Variants in MTCL1 observed in about 807,000 individuals in gnomAD.
The protein encoded by MTCL1 is microtubule crosslinking factor 1, also known as microtubule cross-linking factor 1.
MTCL1 carries 79 observed loss-of-function variants against 141.4 expected under a neutral mutation model. That is an observed-to-expected ratio of 0.56 (90% CI 0.47 to 0.67). The LOEUF (loss-of-function observed/expected upper bound fraction) is 0.67. MTCL1 is among the 30% of genes least tolerant of loss of function. The pLI, the probability that MTCL1 is intolerant of heterozygous loss-of-function variation, is 0.00. For missense variants in MTCL1, 2,177 were observed against 2,113.9 expected (o/e 1.03, Z -0.59); for synonymous variants, 914 against 875.8 (o/e 1.04, Z -0.77).
At chr18:8,799,459 CT>C (rs1450860161) in intron 10 of MTCL1, among the ~76,000 whole-genome samples, 2 of 152,198 alleles carry the variant, frequency 1.3e-5, no homozygotes, top group African/African-American at 2.4e-5. Flanking sequence ...TGCAAAGGAA[CT>C]TTTATTCACA....
At chr18:8,784,864 G>T (rs774577023) in intron 6 of MTCL1, 21 bp downstream of exon 5, 1 of 1,551,292 alleles carries the variant, frequency 6.4e-7, no homozygotes. Flanking sequence ...TCGTGGCTTC[G>T]CCTCCCTGCT....
intron 7 of MTCL1, chr18:8,786,397 C>T (rs766247821): frequency 9.3e-5 from 56 of 602,128 alleles, no homozygotes; most frequent in Non-Finnish European, 1.4e-4. Flanking sequence ...TGCGCAGTGG[C>T]TTCTTGTCCA....
At chr18:8,789,501 T>C in intron 7 of MTCL1, 1 of 985,412 alleles carries the variant, frequency 1.0e-6, no homozygotes, top group Non-Finnish European at 1.2e-6. Flanking sequence ...TAAGCCACTT[T>C]CTCTGGAGGT....
intron 3 of MTCL1, chr18:8,720,124 AGAC>A: frequency 1.9e-6 from 1 of 522,552 alleles, no homozygotes; most frequent in Non-Finnish European, 3.4e-6. Context: ...CACCACCATC[AGAC>A]CAGCCAGAGT....
At chr18:8,767,605 T>C (rs1372938830) in intron 4 of MTCL1, among the ~76,000 whole-genome samples, 1 of 152,214 alleles carries the variant, frequency 6.6e-6, no homozygotes, top group Non-Finnish European at 1.5e-5. Context: ...TAATCTCCTG[T>C]TCATTTCTGT....
chr18:8,723,567 C>G (rs2096187624), intron 4 of MTCL1, among the ~76,000 whole-genome samples: 1 of 152,222 alleles, frequency 6.6e-6, no homozygotes, highest in Non-Finnish European at 1.5e-5. Context: ...GGAGCCACCA[C>G]TCCCTTCTCT....
chr18:8,804,208 G>A (rs1210199482), intron 10 of MTCL1, among the ~76,000 whole-genome samples: 1 of 150,696 alleles, frequency 6.6e-6, no homozygotes, highest in Non-Finnish European at 1.5e-5. Context: ...TGAAAAGATT[G>A]TTGTGACACC....
chr18:8,805,393 A>T (rs552013275), intron 10 of MTCL1, among the ~76,000 whole-genome samples: 38 of 152,358 alleles, frequency 2.5e-4, no homozygotes, highest in African/African-American at 8.4e-4. Flanking sequence ...CTTGCTTAGG[A>T]TAATGGCCTC....
At chr18:8,746,415 G>A (rs975049047) in intron 4 of MTCL1, among the ~76,000 whole-genome samples, 1 of 152,176 alleles carries the variant, frequency 6.6e-6, no homozygotes, top group African/African-American at 2.4e-5. Flanking sequence ...TTGTTCGGTT[G>A]TGAGGACTTG....
chr18:8,824,482 C>G (rs1341933433), intron 14 of MTCL1, among the ~76,000 whole-genome samples: 1 of 152,208 alleles, frequency 6.6e-6, no homozygotes, highest in African/African-American at 2.4e-5. Context: ...CTGACCAATG[C>G]AAGGCTTCAG....
At position 8,726,501 on chromosome 18, in the gene MTCL1, GCGCGCGCA is replaced by G. The variant is rs1287483049; in HGVS notation, c.357+6006_357+6013del. Among the ~76,000 whole-genome samples the G allele has an allele frequency of 3.0e-3, 272 of 89,258 alleles. 1 individual carries two copies. Among genetic ancestry groups the G allele is most frequent in the Non-Finnish European group, 4.5e-3 (177 of 39,282 alleles). 58.6% of individuals were successfully genotyped at this position (89,258 alleles called of 152,430 possible). ...AGAGAGAGAGAGAGAGAGAGCGCGC[GCGCGCGCA>G]AGAGCGAGCGAGAGAGAGCGAGTGC... On this transcript the variant is annotated intron_variant, in intron 4 of 16. Coordinates refer to ENST00000359865, the Ensembl canonical transcript of MTCL1.
At chr18:8,769,809 C>G (rs191428373) in intron 4 of MTCL1, among the ~76,000 whole-genome samples, 1 of 152,344 alleles carries the variant, frequency 6.6e-6, no homozygotes, top group East Asian at 1.9e-4. Flanking sequence ...TTTTCCTCTT[C>G]TTTCCCTCAT....
intron 6 of MTCL1, 34 bp from the exon 6 acceptor site, chr18:8,785,900 AAC>A (rs2096551859): frequency 6.5e-6 from 10 of 1,533,050 alleles, no homozygotes; most frequent in Non-Finnish European, 8.7e-6. Context: ...AATTTTAAAG[AAC>A]AACAACAACA....
At chr18:8,773,119 T>C (rs952474425) in intron 4 of MTCL1, among the ~76,000 whole-genome samples, 5 of 152,170 alleles carry the variant, frequency 3.3e-5, no homozygotes, top group Non-Finnish European at 7.3e-5. Context: ...TGATAGAAGG[T>C]GCGGTGAAGA....
chr18:8,813,362 G>A, intron 12 of MTCL1, 129 bp downstream of exon 11: 1 of 1,143,714 alleles, frequency 8.7e-7, no homozygotes, highest in Non-Finnish European at 1.2e-6. Flanking sequence ...TCCAAAGGAA[G>A]AGAGAGAAAT....
chr18:8,706,072 G>A, exon 1 of MTCL1: 1 of 1,196,546 alleles, frequency 8.4e-7, no homozygotes, highest in Non-Finnish European at 1.0e-6. Flanking sequence ...CGTGGCGCCC[G>A]CGGAGCCGCT....
chr18:8,772,209 C>T (rs1238633672), intron 4 of MTCL1, among the ~76,000 whole-genome samples: 1 of 152,214 alleles, frequency 6.6e-6, no homozygotes, highest in Non-Finnish European at 1.5e-5. Flanking sequence ...TTTCCCCAAC[C>T]CTCAGGGGGC....
intron 5 of MTCL1, chr18:8,782,102 C>T (rs1310148809): frequency 2.6e-5 from 4 of 152,358 alleles, no homozygotes; most frequent in East Asian, 3.9e-4. Flanking sequence ...GATGAGTGTG[C>T]GACCAGACTG....
chr18:8,831,280 T>G, intron 16 of MTCL1: 2 of 1,147,594 alleles, frequency 1.7e-6, no homozygotes, highest in Non-Finnish European at 2.2e-6. Context: ...TGAAGTGGCC[T>G]GTGGAGACCG....
Sources: allele counts gnomAD v4.1 joint callset (sites outside exome capture counted in the v4.1 genomes callset), GRCh38; gene constraint gnomAD v4.1.1; transcripts MANE v1.5; gene names NCBI Gene and HGNC (gene_info 2026-07-23, HGNC 2026-07-21).